The following SUCLG2 variants were observed in gnomAD, a reference collection of about 807,000 sequenced individuals.
SUCLG2 encodes succinate--CoA ligase [GDP-forming] subunit beta, mitochondrial.
A neutral mutation model predicts 47.9 loss-of-function variants in SUCLG2; 42 were observed. That is an observed-to-expected ratio of 0.88 (90% CI 0.69 to 1.14). The LOEUF (loss-of-function observed/expected upper bound fraction) is 1.14, where lower values mean the gene tolerates loss of function less well. SUCLG2 is among the 50% of genes most tolerant of loss of function. The pLI is 0.00. For missense variants in SUCLG2, 571 were observed against 525.9 expected (o/e 1.09, Z -0.84); for synonymous variants, 195 against 197.3 (o/e 0.99, Z 0.10).
intron 10 of SUCLG2, among the ~76,000 whole-genome samples, chr3:67,361,031 A>G (rs1701796750): frequency 6.6e-6 from 1 of 152,226 alleles, no homozygotes; most frequent in Admixed American, 6.5e-5. Context: ...TAAGTGTCCT[A>G]CGTCCAGATA....
At chr3:67,410,217 T>A (rs1282747940) in intron 9 of SUCLG2, among the ~76,000 whole-genome samples, 1 of 152,176 alleles carries the variant, frequency 6.6e-6, no homozygotes, top group Non-Finnish European at 1.5e-5. Flanking sequence ...AATCATTTCA[T>A]TATTTAGGTC....
intron 9 of SUCLG2, among the ~76,000 whole-genome samples, chr3:67,444,752 A>G (rs868516358): frequency 4.0e-4 from 5 of 12,452 alleles, no homozygotes; most frequent in African/African-American, 1.4e-3. Context: ...GCCTCTGCCC[A>G]GCCGCCCCTA....
At chr3:67,589,705 C>T (rs1484448611) in intron 2 of SUCLG2, among the ~76,000 whole-genome samples, 1 of 152,204 alleles carries the variant, frequency 6.6e-6, no homozygotes, top group Non-Finnish European at 1.5e-5. Flanking sequence ...CTCCTATGCT[C>T]AAGGGGTGGC....
intron 10 of SUCLG2, among the ~76,000 whole-genome samples, chr3:67,389,565 C>A (rs957854208): frequency 1.3e-5 from 2 of 152,148 alleles, no homozygotes; most frequent in African/African-American, 4.8e-5. Context: ...GGGACCTTTG[C>A]GAAATGTCTT....
At chr3:67,377,757 G>A (rs1373848093) in intron 10 of SUCLG2, among the ~76,000 whole-genome samples, 1 of 152,098 alleles carries the variant, frequency 6.6e-6, no homozygotes, top group Non-Finnish European at 1.5e-5. Context: ...GTGCCCAAGT[G>A]ATCCTTCTAC....
intron 2 of SUCLG2, among the ~76,000 whole-genome samples, chr3:67,562,249 A>G (rs915426507): frequency 6.6e-6 from 1 of 151,900 alleles, no homozygotes; most frequent in South Asian, 2.1e-4. Context: ...AATATACCCT[A>G]AAAGCCCAAG....
intron 10 of SUCLG2, among the ~76,000 whole-genome samples, chr3:67,398,317 T>G (rs1366236959): frequency 6.6e-6 from 1 of 150,572 alleles, no homozygotes; most frequent in Non-Finnish European, 1.5e-5. Flanking sequence ...CTCAAACAAA[T>G]TTACAAGAAA....
intron 9 of SUCLG2, among the ~76,000 whole-genome samples, chr3:67,440,538 A>G (rs1703734491): frequency 1.3e-5 from 2 of 152,216 alleles, no homozygotes; most frequent in South Asian, 4.1e-4. Flanking sequence ...ACAGGAAAAA[A>G]ACAAACAACC....
chr3:67,388,410 T>C (rs147553248), intron 10 of SUCLG2, among the ~76,000 whole-genome samples: 424 of 152,318 alleles, frequency 2.8e-3, no homozygotes, highest in African/African-American at 9.6e-3. Flanking sequence ...CTCGGATAGA[T>C]ACAGGGTCTC....
intron 1 of SUCLG2, among the ~76,000 whole-genome samples, chr3:67,642,513 G>C (rs1333596562): frequency 2.0e-5 from 3 of 152,148 alleles, no homozygotes; most frequent in Non-Finnish European, 2.9e-5. Context: ...TGGAGGCTGA[G>C]AACAGAGGAT....
At chr3:67,387,817 A>C (rs2106782800) in intron 10 of SUCLG2, among the ~76,000 whole-genome samples, 1 of 152,280 alleles carries the variant, frequency 6.6e-6, no homozygotes, top group East Asian at 1.9e-4. Context: ...TTTTAACTAA[A>C]TGTACTTCCA....
intron 10 of SUCLG2, among the ~76,000 whole-genome samples, chr3:67,400,013 A>C (rs1307302261): frequency 6.6e-6 from 1 of 151,512 alleles, no homozygotes; most frequent in Non-Finnish European, 1.5e-5. Context: ...ACCCTGTCTC[A>C]AAACAAACAA....
At chr3:67,633,063 C>A (rs1026206026) in intron 1 of SUCLG2, among the ~76,000 whole-genome samples, 1 of 152,194 alleles carries the variant, frequency 6.6e-6, no homozygotes, top group African/African-American at 2.4e-5. Context: ...GTGCTTTTCA[C>A]CATTCTCATC....
intron 10 of SUCLG2, among the ~76,000 whole-genome samples, chr3:67,394,565 C>T (rs1334020968): frequency 6.0e-5 from 9 of 149,924 alleles, no homozygotes; most frequent in African/African-American, 1.7e-4. Context: ...CTGAAAGTGA[C>T]GGGGAGAATG....
At chr3:67,454,578 A>T (rs1171017818) in intron 9 of SUCLG2, among the ~76,000 whole-genome samples, 1 of 152,148 alleles carries the variant, frequency 6.6e-6, no homozygotes, top group Non-Finnish European at 1.5e-5. Flanking sequence ...TAGTTGTTGA[A>T]GCATTTCATA....
intron 9 of SUCLG2, among the ~76,000 whole-genome samples, chr3:67,475,722 T>TCC (rs1245208916): frequency 0.023 from 3,431 of 151,076 alleles, 79 homozygotes; most frequent in East Asian, 0.068. Context: ...TCCCCTCCTT[T>TCC]TTTTTTTTTG....
intron 2 of SUCLG2, among the ~76,000 whole-genome samples, chr3:67,603,276 A>G (rs1435123664): frequency 1.3e-5 from 2 of 152,262 alleles, no homozygotes. Context: ...CACATGTCAT[A>G]GGACAAAGCC....
intron 9 of SUCLG2, among the ~76,000 whole-genome samples, chr3:67,419,422 T>C (rs1449171693): frequency 6.6e-6 from 1 of 152,022 alleles, no homozygotes; most frequent in East Asian, 1.9e-4. Flanking sequence ...TGTCTAATTG[T>C]CTGACTCTGG....
intron 10 of SUCLG2, 73 bp downstream of exon 10, chr3:67,400,658 T>C: frequency 6.4e-7 from 1 of 1,574,088 alleles, no homozygotes; most frequent in Non-Finnish European, 8.6e-7. Context: ...AGGAAGTTTG[T>C]GAATCCAGAA....
Sources: gnomAD v4.1 joint callset for allele counts (sites outside exome capture counted in the v4.1 genomes callset) on GRCh38, gnomAD v4.1.1 for gene constraint, MANE v1.5 for transcripts, NCBI Gene and HGNC (gene_info 2026-07-23, HGNC 2026-07-21) for gene names.